DYNC2H1: variants seen among roughly 807,000 people sequenced by gnomAD.
DYNC2H1 encodes dynein cytoplasmic 2 heavy chain 1, also known as cytoplasmic dynein 2 heavy chain 1.
In DYNC2H1, 410 loss-of-function variants were observed where a neutral mutation model predicts 570.0. That is an observed-to-expected ratio of 0.72 (90% CI 0.66 to 0.78). The LOEUF (loss-of-function observed/expected upper bound fraction) is 0.78, where lower values mean the gene tolerates loss of function less well. DYNC2H1 is among the 30% of genes least tolerant of loss of function. DYNC2H1 has a pLI of 0.00. For missense variants in DYNC2H1, 4,865 were observed against 5,046.4 expected, an observed-to-expected ratio of 0.96 and a Z score of 1.09; for synonymous variants, 1,688 against 1,677.6, an observed-to-expected ratio of 1.01 and a Z score of -0.15.
At position 103,199,419 on chromosome 11, in the gene DYNC2H1, T is replaced by C; in HGVS notation, c.8031T>C (p.Phe2677=). The C allele has an allele frequency of 6.2e-7, 1 of 1,612,398 alleles. No homozygotes were observed. Among genetic ancestry groups the C allele is most frequent in the East Asian group, 2.2e-5 (1 of 44,762 alleles). ...LVSHMHGAVL[F]SPKISRGYEL... is the part of the protein sequence containing the mutation. ...GTCACATGCATGGAGCGGTCCTGTTTTCTCCAAAGATTTCCAGAGGATATG... is the reference window on the plus strand; with the variant it reads ...GTCACATGCATGGAGCGGTCCTGTTCTCTCCAAAGATTTCCAGAGGATATG... Residue 2677 remains phenylalanine (F), a synonymous_variant, in exon 49 of 89, where the codon TTT becomes TTC. Transcript: ENST00000375735. This position sits in a 1 kb window ranked among gnomAD's most constrained non-coding sequence, Gnocchi z 4.6.
intron 83 of DYNC2H1, among the ~76,000 whole-genome samples, chr11:103,377,981 C>T (rs1262061338): frequency 6.6e-6 from 1 of 152,172 alleles, no homozygotes; most frequent in Non-Finnish European, 1.5e-5. Flanking sequence ...TGTGATTCCT[C>T]CAGCCTTGGC....
intron 59 of DYNC2H1, among the ~76,000 whole-genome samples, chr11:103,224,239 G>A (rs896073514): frequency 1.8e-4 from 21 of 119,124 alleles, no homozygotes; most frequent in African/African-American, 7.5e-4. Flanking sequence ...CAGACCCAAA[G>A]GTTTATGTTC....
At chr11:103,118,615 A>T (rs546360270) in intron 6 of DYNC2H1, among the ~76,000 whole-genome samples, 1 of 152,162 alleles carries the variant, frequency 6.6e-6, no homozygotes, top group African/African-American at 2.4e-5. Flanking sequence ...CAAAATGACG[A>T]TAATTCCTTA....
chr11:103,232,762 A>G (rs1164906661), intron 60 of DYNC2H1, among the ~76,000 whole-genome samples: 1 of 152,050 alleles, frequency 6.6e-6, no homozygotes, highest in South Asian at 2.1e-4. Context: ...AATGCAACAA[A>G]TATTCATTGC....
chr11:103,468,726 A>T, intron 88 of DYNC2H1, 21 bp downstream of exon 88: 1 of 1,536,994 alleles, frequency 6.5e-7, no homozygotes, highest in Non-Finnish European at 9.0e-7. Context: ...TTTAACAAGC[A>T]CAAGTTTTAA....
At chr11:103,437,677 T>G (rs1944112190) in intron 85 of DYNC2H1, among the ~76,000 whole-genome samples, 1 of 152,148 alleles carries the variant, frequency 6.6e-6, no homozygotes, top group Admixed American at 6.6e-5. Context: ...ATTAGTGATC[T>G]TAGAACAGTA....
intron 72 of DYNC2H1, among the ~76,000 whole-genome samples, chr11:103,282,788 A>T (rs2135343080): frequency 6.6e-6 from 1 of 152,178 alleles, no homozygotes; most frequent in African/African-American, 2.4e-5. Flanking sequence ...ATGAAAGATT[A>T]AGCACAATGA....
Position 103,109,613 on chromosome 11 carries a change from C to T in DYNC2H1, c.39C>T (p.Ile13=). 1 of 1,613,966 alleles carries T rather than the reference C, an allele frequency of 6.2e-7. No homozygotes were observed. The highest frequency in any genetic ancestry group is 8.5e-7 in the Non-Finnish European group (1 of 1,179,886). The part of the protein sequence containing the change: ...NGTADVRKLF[I]FTTTQNYFGL... ...CTGCGGACGTTCGGAAGCTCTTCAT[C>T]TTCACTACTACCCAGAATTACTTCG... Residue 13 remains isoleucine, a synonymous_variant, in exon 1 of 89, where the codon ATC becomes ATT. Transcript: ENST00000375735.
At position 103,121,017 on chromosome 11, in the gene DYNC2H1, A is replaced by G; in HGVS notation, c.1341A>G (p.Arg447=). The G allele has an allele frequency of 6.3e-7, 1 of 1,577,878 alleles. No individual in the cohort carries two copies. The highest frequency in any genetic ancestry group is 8.6e-7 in the Non-Finnish European group (1 of 1,162,388). Reference sequence around the variant, plus strand: ...TAGAAAGAGAAACTTTACTGGCAAGACTTGTGGACTCAATTAAAGGTAAAA... The same window carrying G: ...TAGAAAGAGAAACTTTACTGGCAAGGCTTGTGGACTCAATTAAAGGTAAAA... ...LMLERETLLA[R]LVDSIKDFRL... The change falls in exon 9 of 89, where the codon AGA becomes AGG. Residue 447 remains arginine, a synonymous_variant. Transcript: ENST00000375735.
rs2134751748 is a variant in DYNC2H1, at chr11:103,129,545, A to T, written c.1953+540A>T. On this transcript the variant is annotated intron_variant, in intron 13 of 88. Transcript: ENST00000375735. This position sits in a 1 kb window ranked among gnomAD's most constrained non-coding sequence, Gnocchi z 4.1. ...AAAAATACAAAAAAATTAGCCAGGC[A>T]TGGTGGTGGGTGCCTGTAATCCCAG... Among the ~76,000 whole-genome samples the T allele has an allele frequency of 6.6e-6, 1 of 152,048 alleles. No individual in the cohort carries two copies. Among genetic ancestry groups the T allele is most frequent in the South Asian group, 2.1e-4 (1 of 4,794 alleles).
At chr11:103,310,990 C>A (rs1432870265) in intron 78 of DYNC2H1, among the ~76,000 whole-genome samples, 1 of 151,970 alleles carries the variant, frequency 6.6e-6, no homozygotes, top group Non-Finnish European at 1.5e-5. Context: ...GCGTGAGCCA[C>A]CATACCCAGC....
Position 103,120,822 on chromosome 11 carries a change from C to T in DYNC2H1, c.1248+20C>T. On this transcript the variant is annotated intron_variant, in intron 8 of 88. Transcript: ENST00000375735. The stretch of plus-strand genomic sequence containing the variant: ...CAGCAGGTAAAACATTGAGATATTT[C>T]ACTTTTAATATTTCTCTTAAGCTAA... 1 of 1,388,656 alleles carries T rather than the reference C, an allele frequency of 7.2e-7. No individual in the cohort carries two copies. The highest frequency in any genetic ancestry group is 1.8e-5 in the South Asian group (1 of 56,070). 86.0% of individuals were successfully genotyped at this position (1,388,656 alleles called of 1,614,324 possible).
At chr11:103,477,832 CAAAAAAAAAAA>C (rs55817710) in intron 88 of DYNC2H1, among the ~76,000 whole-genome samples, 2 of 72,620 alleles carry the variant, frequency 2.8e-5, no homozygotes, top group Non-Finnish European at 4.9e-5. Context: ...CTCCCCATCT[CAAAAAAAAAAA>C]AAAAAAAAAA....
In DYNC2H1 at chr11:103,120,948, T is replaced by C. The variant is rs769132339; in HGVS notation, c.1272T>C (p.Tyr424=). ...AGCTTCTTCAAGCATTCCTGAAATA[T>C]AAAGAGTTGGTAAAGCGTCCAACTA... ...PQQLLQAFLK[Y]KELVKRPTIS... Residue 424 remains tyrosine, a synonymous_variant, in exon 9 of 89, where the codon TAT becomes TAC. Transcript: ENST00000375735. 7.1e-6 allele frequency: 11 copies of C among 1,543,292 alleles called. No homozygotes were observed. Among genetic ancestry groups the C allele is most frequent in the Admixed American group, 2.0e-5 (1 of 50,750 alleles).
At chr11:103,399,606 T>TTATA in intron 83 of DYNC2H1, 57 bp from the exon 84 acceptor site, 3 of 1,233,838 alleles carry the variant, frequency 2.4e-6, no homozygotes, top group Non-Finnish European at 3.4e-6. Context: ...TCAAAGCGTT[T>TTATA]TATATATCAG....
At chr11:103,419,114 A>AACTCC (rs71066155) in intron 84 of DYNC2H1, among the ~76,000 whole-genome samples, 8,726 of 152,254 alleles carry the variant, frequency 0.057, 460 homozygotes, top group East Asian at 0.19. Context: ...AGCCCACAGC[A>AACTCC]ACAGGCTGGA....
chr11:103,356,238 G>C (rs1940330094), intron 82 of DYNC2H1, among the ~76,000 whole-genome samples: 1 of 151,996 alleles, frequency 6.6e-6, no homozygotes. Context: ...AAATATATGT[G>C]GTAGATTTTA....
At position 103,192,284 on chromosome 11, in the gene DYNC2H1, G is replaced by A. The variant is rs369192527; in HGVS notation, c.7708+20G>A. The A allele has an allele frequency of 2.1e-6, 3 of 1,453,624 alleles. No individual in the cohort carries two copies. The highest frequency in any genetic ancestry group is 2.8e-6 in the Non-Finnish European group (3 of 1,086,730). 90.0% of individuals were successfully genotyped at this position (1,453,624 alleles called of 1,614,324 possible). On this transcript the variant is annotated intron_variant, in intron 47 of 88. Coordinates refer to ENST00000375735, the MANE Select transcript of DYNC2H1 (RefSeq NM_001377.3). ...TGTCAGGTAAGGTAATAGAGCTTAT[G>A]CAAATACATAACTATTACAAGGATT... is the stretch of plus-strand genomic sequence containing the variant.
rs1197793074 is a variant in DYNC2H1 at position 103,201,285 on chromosome 11, A to G, written c.8197+1131A>G. 6.6e-6 allele frequency among the ~76,000 whole-genome samples: 1 copy of G among 152,150 alleles called. No homozygotes were observed. Among genetic ancestry groups the G allele is most frequent in the Non-Finnish European group, 1.5e-5 (1 of 68,022 alleles). ...AAATTTATGGCTAAGTGGGCTCTCT[A>G]TGTATCTGGAATTCTATGGATTGTA... On this transcript the variant is annotated intron_variant, in intron 50 of 88. Coordinates refer to ENST00000375735, the MANE Select transcript of DYNC2H1 (RefSeq NM_001377.3). This position sits in a 1 kb window ranked among gnomAD's most constrained non-coding sequence, Gnocchi z 4.8.
Sources: gnomAD v4.1 joint callset for allele counts (sites outside exome capture counted in the v4.1 genomes callset) on GRCh38, gnomAD v4.1.1 for gene constraint, Gnocchi (gnomAD v3.1) non-coding constraint, MANE v1.5 for transcripts, NCBI Gene and HGNC (gene_info 2026-07-23, HGNC 2026-07-21) for gene names.